ZBTB10: variants seen among roughly 807,000 people sequenced by gnomAD.
The protein encoded by ZBTB10 is zinc finger and BTB domain containing 10.
ZBTB10 carries 32 observed loss-of-function variants against 76.4 expected under a neutral mutation model. The ratio of observed to expected loss-of-function variants is 0.42; its 90% confidence interval spans 0.32 to 0.56. ZBTB10 has a LOEUF of 0.56. ZBTB10 is among the 20% of genes least tolerant of loss of function. ZBTB10 has a pLI of 0.14. For missense variants in ZBTB10, 1,057 were observed against 1,098.5 expected (o/e 0.96, Z 0.53); for synonymous variants, 523 against 432.9 (o/e 1.21, Z -2.58).
chr8:80,488,722 C>T (rs575671338), intron 1 of ZBTB10, among the ~76,000 whole-genome samples: 1 of 152,296 alleles, frequency 6.6e-6, no homozygotes, highest in Non-Finnish European at 1.5e-5. Context: ...TGTGTTCAAG[C>T]CAAACAGATG....
chr8:80,508,490 C>T (rs1270546925), intron 2 of ZBTB10, among the ~76,000 whole-genome samples: 1 of 152,158 alleles, frequency 6.6e-6, no homozygotes, highest in African/African-American at 2.4e-5. Flanking sequence ...GTCCCTTATG[C>T]GGAACTTATT....
At chr8:80,486,025 C>A, upstream of ZBTB10, 1 of 1,021,324 alleles carries the variant, frequency 9.8e-7, no homozygotes, top group South Asian at 1.8e-5. Context: ...CCCAACCCCT[C>A]GGCCGACTTC....
chr8:80,490,759 T>C (rs527775861), intron 1 of ZBTB10, among the ~76,000 whole-genome samples: 89 of 152,292 alleles, frequency 5.8e-4, no homozygotes, highest in Non-Finnish European at 1.1e-3. Flanking sequence ...TAAACTCCTA[T>C]TTTCCCAATT....
At chr8:80,491,795 T>G (rs1815638330) in intron 1 of ZBTB10, among the ~76,000 whole-genome samples, 1 of 152,216 alleles carries the variant, frequency 6.6e-6, no homozygotes, top group African/African-American at 2.4e-5. Flanking sequence ...TTAGACCACT[T>G]TCTACCTAAT....
chr8:80,488,116 T>TA (rs1448380698), intron 1 of ZBTB10, among the ~76,000 whole-genome samples: 2 of 152,188 alleles, frequency 1.3e-5, no homozygotes, highest in Non-Finnish European at 2.9e-5. Context: ...GACTTTGCGG[T>TA]AAAAAAATTT....
intron 1 of ZBTB10, among the ~76,000 whole-genome samples, chr8:80,492,466 A>T (rs1815655608): frequency 6.6e-6 from 1 of 152,098 alleles, no homozygotes; most frequent in Middle Eastern, 3.2e-3. Context: ...GCAGTATATA[A>T]TCAGGGTACA....
At position 80,486,801 on chromosome 8, in the gene ZBTB10, G is replaced by GGC. The variant is rs1472210697; in HGVS notation, c.-3_-2dup. On this transcript the variant is annotated 5_prime_UTR_variant, in exon 1 of 6. Transcript: ENST00000455036. ...CGGGGCACCGGGCGGCGGCGGCGGCGGCGCGCGCCATGTCGTTCAGTGAAA... is the reference window on the plus strand; with the variant it reads ...CGGGGCACCGGGCGGCGGCGGCGGCGGCGCGCGCGCCATGTCGTTCAGTGAAA... 7.1e-6 allele frequency: 10 copies of GGC among 1,413,020 alleles called. No homozygotes were observed. The African/African-American group carries it at 1.4e-4, about 19-fold the overall frequency. The allele number at this position is 1,413,020 out of a possible 1,614,324, so 87.5% of individuals were successfully genotyped here.
Position 80,521,255 on chromosome 8 carries a change from C to T in ZBTB10, c.*1727C>T, listed in dbSNP as rs756633014. 2.6e-4 allele frequency: 40 copies of T among 151,748 alleles called. No homozygotes were observed. Among genetic ancestry groups the T allele is most frequent in the Non-Finnish European group, 4.9e-4 (33 of 67,780 alleles). 9.4% of individuals were successfully genotyped at this position (151,748 alleles called of 1,614,324 possible). A position where few individuals can be genotyped will look rare whatever the true frequency, so the allele number is the denominator to read the frequency against. On this transcript the variant is annotated 3_prime_UTR_variant, in exon 6 of 6. Coordinates refer to ENST00000455036, the MANE Select transcript of ZBTB10 (RefSeq NM_001105539.3). ...TCTTTTGTCATCTATATTGTAGTTT[C>T]TACATAACTGTAAACCTGACAGATA...
At chr8:80,505,758 T>G (rs1228732417) in intron 2 of ZBTB10, among the ~76,000 whole-genome samples, 1 of 151,668 alleles carries the variant, frequency 6.6e-6, no homozygotes, top group Admixed American at 6.6e-5. Flanking sequence ...TGAGGCAGAG[T>G]CTTGCTCTGT....
intron 1 of ZBTB10, among the ~76,000 whole-genome samples, chr8:80,490,772 T>G (rs1366603051): frequency 6.6e-6 from 1 of 152,218 alleles, no homozygotes; most frequent in Non-Finnish European, 1.5e-5. Flanking sequence ...TCCCAATTAT[T>G]TCTCAAAGAG....
At chr8:80,513,831 C>CAGTT in intron 2 of ZBTB10, 79 bp from the exon 3 acceptor site, 3 of 1,097,044 alleles carry the variant, frequency 2.7e-6, no homozygotes, top group Non-Finnish European at 4.1e-6. Flanking sequence ...ATTTAAGAAA[C>CAGTT]AGTTCCAAGA....
At position 80,519,905 on chromosome 8, in the gene ZBTB10, T is replaced by C. The variant is rs953782041; in HGVS notation, c.*377T>C. On this transcript the variant is annotated 3_prime_UTR_variant, in exon 6 of 6. Coordinates refer to ENST00000455036, the MANE Select transcript of ZBTB10 (RefSeq NM_001105539.3). ...CCGTTTATGGAAGTACAGTGACAAT[T>C]GACCCAATCACTCTGTCCATCAAAC... The C allele has an allele frequency of 6.1e-6, 1 of 162,880 alleles. No homozygotes were observed. Among genetic ancestry groups the C allele is most frequent in the African/African-American group, 2.4e-5 (1 of 41,670 alleles). 10.1% of individuals were successfully genotyped at this position (162,880 alleles called of 1,614,324 possible). A position where few individuals can be genotyped will look rare whatever the true frequency, so the allele number is the denominator to read the frequency against.
chr8:80,485,819 T>G, upstream of ZBTB10: 1 of 1,535,650 alleles, frequency 6.5e-7, no homozygotes, highest in South Asian at 1.2e-5. Context: ...ACCGCACAGT[T>G]ATTTGCAAAG....
Position 80,519,375 on chromosome 8 carries a change from T to G in ZBTB10, c.2463T>G (p.Asp821Glu). 6.2e-7 allele frequency: 1 copy of G among 1,612,990 alleles called. No individual in the cohort carries two copies. The highest frequency in any genetic ancestry group is 8.5e-7 in the Non-Finnish European group (1 of 1,179,608). ...AGCCAGGAGGGCAAGAAGGTGTAGA[T>G]CAGGGACAGGATACAGAATTCCCTC... is the stretch of plus-strand genomic sequence containing the variant. ...KSQPGGQEGV[D>E]QGQDTEFPRD... The change falls in exon 6 of 6, where the codon GAT becomes GAG. Residue 821 changes from aspartate to glutamate, a missense_variant. Coordinates refer to ENST00000455036, the MANE Select transcript of ZBTB10 (RefSeq NM_001105539.3).
Position 80,523,469 on chromosome 8 carries a change from T to G in ZBTB10, c.*3941T>G, listed in dbSNP as rs1254653448. 2 of 152,014 alleles carry G rather than the reference T, an allele frequency of 1.3e-5. No homozygotes were observed. Among genetic ancestry groups the G allele is most frequent in the Non-Finnish European group, 2.9e-5 (2 of 67,904 alleles). The allele number at this position is 152,014 out of a possible 1,614,324, so 9.4% of individuals were successfully genotyped here. A position where few individuals can be genotyped will look rare whatever the true frequency, so the allele number is the denominator to read the frequency against. ...AACTGGCTGTGGCATTTTAATTTTATAAAAGAATGGTTTTTATCTGAAGAA... is the reference window on the plus strand; with the variant it reads ...AACTGGCTGTGGCATTTTAATTTTAGAAAAGAATGGTTTTTATCTGAAGAA... On this transcript the variant is annotated 3_prime_UTR_variant, in exon 6 of 6. Coordinates refer to ENST00000455036, the MANE Select transcript of ZBTB10 (RefSeq NM_001105539.3).
Position 80,487,030 on chromosome 8 carries a change from C to T in ZBTB10, c.220C>T (p.Pro74Ser). The change falls in exon 1 of 6, where the codon CCC becomes TCC. Residue 74 changes from proline (P) to serine (S), a missense_variant. Coordinates refer to ENST00000455036, the MANE Select transcript of ZBTB10 (RefSeq NM_001105539.3). ...DEEVELEGLEPQDLEASAGPA... is the reference protein window; with the variant it reads ...DEEVELEGLESQDLEASAGPA... ...GGAAGTGGAATTGGAGGGCCTGGAG[C>T]CCCAAGACCTGGAGGCCTCCGCCGG... 1 of 1,518,450 alleles carries T rather than the reference C, an allele frequency of 6.6e-7. No individual in the cohort carries two copies. The highest frequency in any genetic ancestry group is 8.8e-7 in the Non-Finnish European group (1 of 1,139,366). 94.1% of individuals were successfully genotyped at this position (1,518,450 alleles called of 1,614,324 possible).
At chr8:80,496,345 A>G (rs948811574) in intron 1 of ZBTB10, among the ~76,000 whole-genome samples, 1 of 149,008 alleles carries the variant, frequency 6.7e-6, no homozygotes, top group African/African-American at 2.5e-5. Flanking sequence ...TTTTTTTTGA[A>G]GGTCATATTT....
chr8:80,490,434 G>A (rs921549195), intron 1 of ZBTB10, among the ~76,000 whole-genome samples: 3 of 151,848 alleles, frequency 2.0e-5, no homozygotes, highest in Admixed American at 1.3e-4. Context: ...CGGGAGTCTC[G>A]CTATGTTGCC....
At position 80,486,481 on chromosome 8, in the gene ZBTB10, C is replaced by T. The variant is rs1279916766; in HGVS notation, c.-330C>T. 4 of 985,138 alleles carry T rather than the reference C, an allele frequency of 4.1e-6. No homozygotes were observed. The highest frequency in any genetic ancestry group is 1.7e-5 in the African/African-American group (1 of 57,172). The allele number at this position is 985,138 out of a possible 1,614,324, so 61.0% of individuals were successfully genotyped here. A position where few individuals can be genotyped will look rare whatever the true frequency, so the allele number is the denominator to read the frequency against. Reference sequence around the variant, plus strand: ...CACTCCGCTGCTCAACTTCGAAGGCCTCGCTCGCTGCAGGCTCGCTCCTCA... The same window carrying T: ...CACTCCGCTGCTCAACTTCGAAGGCTTCGCTCGCTGCAGGCTCGCTCCTCA... On this transcript the variant is annotated 5_prime_UTR_variant, in exon 1 of 6. Coordinates refer to ENST00000455036, the MANE Select transcript of ZBTB10 (RefSeq NM_001105539.3).
Sources: allele counts gnomAD v4.1 joint callset (sites outside exome capture counted in the v4.1 genomes callset), GRCh38; gene constraint gnomAD v4.1.1; transcripts MANE v1.5; gene names NCBI Gene and HGNC (gene_info 2026-07-23, HGNC 2026-07-21).